CLASP1: variants seen among roughly 807,000 people sequenced by gnomAD.
CLASP1 encodes cytoplasmic linker associated protein 1.
A neutral mutation model predicts 192.3 loss-of-function variants in CLASP1; 38 were observed. The observed-to-expected ratio is 0.20, with a 90% CI of 0.15 to 0.26. The LOEUF (loss-of-function observed/expected upper bound fraction) is 0.26, where lower values mean the gene tolerates loss of function less well. Among genes scored for constraint, CLASP1 ranks in the 10% least tolerant of loss-of-function variants. The probability of loss-of-function intolerance (pLI) is 1.00; values close to 1 mark genes in which losing one functional copy is unlikely to be tolerated. For synonymous variants in CLASP1, 691 were observed against 712.8 expected, an observed-to-expected ratio of 0.97 and a Z score of 0.49; for missense variants, 1,433 against 1,932.5, an observed-to-expected ratio of 0.74 and a Z score of 4.85.
At chr2:121,363,413 C>T (rs1206807703) in intron 36 of CLASP1, 113 bp from the exon 38 acceptor site, 14 of 1,237,278 alleles carry the variant, frequency 1.1e-5, no homozygotes, top group South Asian at 1.4e-5. Flanking sequence ...CCTGGAACCT[C>T]GCAGAACCCT....
chr2:121,545,397 T>A (rs1361150858), intron 2 of CLASP1, among the ~76,000 whole-genome samples: 1 of 152,114 alleles, frequency 6.6e-6, no homozygotes, highest in Admixed American at 6.5e-5. Context: ...GGAGCAGACA[T>A]TTGCTTGAAT....
At chr2:121,418,532 G>A in intron 23 of CLASP1, 90 bp downstream of exon 23, 1 of 855,498 alleles carries the variant, frequency 1.2e-6, no homozygotes, top group Admixed American at 1.8e-5. Flanking sequence ...GACAGTAGAG[G>A]AGGAAAAGCA....
chr2:121,578,035 C>A (rs866740193), intron 2 of CLASP1, among the ~76,000 whole-genome samples: 60 of 152,188 alleles, frequency 3.9e-4, no homozygotes, highest in African/African-American at 1.4e-3. Context: ...TGGGCTCAAG[C>A]GATCCTCCCA....
chr2:121,394,670 A>AG (rs1156547968), intron 30 of CLASP1, among the ~76,000 whole-genome samples: 2 of 152,212 alleles, frequency 1.3e-5, no homozygotes, highest in Non-Finnish European at 2.9e-5. Flanking sequence ...TCACGAGGTC[A>AG]GGAGTTCGAG....
Position 121,358,104 on chromosome 2 carries a change from T to C in CLASP1, c.4206+5068A>G, listed in dbSNP as rs892715758. On this transcript the variant is annotated intron_variant, in intron 37 of 39. Coordinates refer to ENST00000263710, the Ensembl canonical transcript of CLASP1. ...TTTATTGGAGTTTGTGCTGTTAGTA[T>C]GACTGCTGGCTCAGTAACTTGGAAT... 7.9e-5 allele frequency among the ~76,000 whole-genome samples: 12 copies of C among 152,356 alleles called. No individual in the cohort carries two copies. The South Asian group carries it at 2.3e-3, about 29-fold the overall frequency.
chr2:121,391,829 G>C (rs2074406372), intron 30 of CLASP1, among the ~76,000 whole-genome samples: 2 of 152,140 alleles, frequency 1.3e-5, no homozygotes, highest in Admixed American at 1.3e-4. Flanking sequence ...GCTGGAACCT[G>C]GGAGGTGGAG....
intron 34 of CLASP1, among the ~76,000 whole-genome samples, chr2:121,368,481 G>C (rs2067895815): frequency 6.7e-6 from 1 of 149,978 alleles, no homozygotes; most frequent in South Asian, 2.1e-4. Flanking sequence ...TCTGAATGTT[G>C]TCTTCAACAA....
At chr2:121,506,361 T>C (rs1273054453) in intron 7 of CLASP1, among the ~76,000 whole-genome samples, 1 of 152,078 alleles carries the variant, frequency 6.6e-6, no homozygotes, top group African/African-American at 2.4e-5. Context: ...TGACCTGACT[T>C]AGAGCTTGTT....
At chr2:121,434,360 A>G (rs7588745) in intron 19 of CLASP1, among the ~76,000 whole-genome samples, 90,119 of 151,960 alleles carry the variant, frequency 0.59, 30,014 homozygotes, top group African/African-American at 0.88. Context: ...GGTTCAAGCT[A>G]TCCTCCCACC....
At chr2:121,393,871 TAA>T (rs151255744) in intron 30 of CLASP1, among the ~76,000 whole-genome samples, 12 of 141,398 alleles carry the variant, frequency 8.5e-5, no homozygotes, top group South Asian at 2.3e-4. Context: ...CTTGGATGAT[TAA>T]AAAAAAAAAA....
At chr2:121,504,568 A>C (rs2093879069) in intron 7 of CLASP1, among the ~76,000 whole-genome samples, 1 of 152,206 alleles carries the variant, frequency 6.6e-6, no homozygotes, top group Admixed American at 6.5e-5. Flanking sequence ...GTAGGTATTC[A>C]CACAAGCTCT....
chr2:121,594,541 C>A (rs897787258), intron 2 of CLASP1, among the ~76,000 whole-genome samples: 32 of 150,620 alleles, frequency 2.1e-4, no homozygotes, highest in African/African-American at 7.5e-4. Context: ...TACAGGCACC[C>A]GATACCACGC....
At chr2:121,531,087 T>G (rs544147694) in intron 2 of CLASP1, 2 of 669,622 alleles carry the variant, frequency 3.0e-6, no homozygotes, top group East Asian at 2.8e-5. Flanking sequence ...GTTAAACCAG[T>G]AGAGGGTGCA....
chr2:121,512,900 C>T (rs1160220254), intron 7 of CLASP1: 1 of 151,654 alleles, frequency 6.6e-6, no homozygotes, highest in Admixed American at 6.6e-5. Flanking sequence ...AGAACTAAAT[C>T]CAATTTTGGA....
intron 19 of CLASP1, among the ~76,000 whole-genome samples, chr2:121,430,527 TTC>T (rs2081210400): frequency 6.6e-6 from 1 of 152,248 alleles, no homozygotes; most frequent in Non-Finnish European, 1.5e-5. Flanking sequence ...AGATTAAATT[TTC>T]TTTTTTATTG....
chr2:121,397,405 C>G (rs1474629669), intron 29 of CLASP1, 122 bp from the exon 31 acceptor site: 2 of 795,572 alleles, frequency 2.5e-6, no homozygotes, highest in Non-Finnish European at 4.0e-6. Flanking sequence ...TCTCCTGTAT[C>G]GATAGTTTCC....
chr2:121,402,801 T>C (rs1298733731), intron 26 of CLASP1: 2 of 389,630 alleles, frequency 5.1e-6, no homozygotes, highest in East Asian at 6.6e-5. Flanking sequence ...AAAATCTTGA[T>C]AAATTTTATC....
exon 35 of CLASP1, chr2:121,367,815 C>T (rs749879429): frequency 1.2e-6 from 2 of 1,613,382 alleles, no homozygotes; most frequent in Middle Eastern, 1.7e-4. Context: ...GGAGGCAGCG[C>T]CCCCATCGCG....
chr2:121,463,403 A>C (rs1018249952), intron 9 of CLASP1, among the ~76,000 whole-genome samples: 3 of 152,176 alleles, frequency 2.0e-5, no homozygotes, highest in African/African-American at 7.2e-5. Context: ...AGGGGCTTTA[A>C]AGACAATCCC....
Sources: allele counts gnomAD v4.1 joint callset (sites outside exome capture counted in the v4.1 genomes callset), GRCh38; gene constraint gnomAD v4.1.1; transcripts MANE v1.5; gene names NCBI Gene and HGNC (gene_info 2026-07-23, HGNC 2026-07-21).